Variants in TNKS observed in about 807,000 individuals in gnomAD.
The protein encoded by TNKS is poly [ADP-ribose] polymerase tankyrase-1.
In TNKS, 72 loss-of-function variants were observed where a neutral mutation model predicts 135.8. The ratio of observed to expected loss-of-function variants is 0.53; its 90% CI spans 0.44 to 0.64. The LOEUF (loss-of-function observed/expected upper bound fraction) is 0.64. Among genes scored for constraint, TNKS ranks in the 30% least tolerant of loss-of-function variants. The pLI, the probability that TNKS is intolerant of heterozygous loss-of-function variation, is 0.00. For synonymous variants in TNKS, 849 were observed against 649.3 expected (o/e 1.31, Z -4.68); for missense variants, 1,769 against 1,674.0 (o/e 1.06, Z -0.99).
intron 5 of TNKS, among the ~76,000 whole-genome samples, chr8:9,681,503 T>C (rs1049199111): frequency 6.6e-6 from 1 of 152,138 alleles, no homozygotes; most frequent in Non-Finnish European, 1.5e-5. Flanking sequence ...ATTTACGTAA[T>C]AGACATTGAA....
chr8:9,663,721 G>C (rs1801845553), intron 3 of TNKS, among the ~76,000 whole-genome samples: 1 of 152,138 alleles, frequency 6.6e-6, no homozygotes, highest in African/African-American at 2.4e-5. Flanking sequence ...ACAGAACTCA[G>C]GAAGATATGT....
At position 9,726,695 on chromosome 8, in the gene TNKS, A is replaced by G; in HGVS notation, c.1976A>G (p.Lys659Arg). 6.2e-7 allele frequency: 1 copy of G among 1,613,520 alleles called. No homozygotes were observed. Among genetic ancestry groups the G allele is most frequent in the Non-Finnish European group, 8.5e-7 (1 of 1,179,818 alleles). Residue 659 changes from lysine (K) to arginine (R), a missense_variant, in exon 13 of 27, where the codon AAA becomes AGA. By Grantham distance (26) the Lys-to-Arg change is conservative (BLOSUM62 2). Coordinates refer to ENST00000310430, the MANE Select transcript of TNKS (RefSeq NM_003747.3). The stretch of plus-strand genomic sequence containing the variant: ...GATTATCGACTCTTAGAGGCATCTA[A>G]AGCTGGAGACTTGGAAACTGTGAAG... ...DVDYRLLEASKAGDLETVKQL... is the reference protein window; with the variant it reads ...DVDYRLLEASRAGDLETVKQL...
intron 1 of TNKS, 131 bp downstream of exon 1, chr8:9,556,743 G>C (rs1815331528): frequency 2.9e-6 from 3 of 1,029,828 alleles, no homozygotes; most frequent in Non-Finnish European, 4.2e-6. Context: ...CTCACCAGAA[G>C]ACTGGAGGTT....
At chr8:9,698,160 A>G (rs1017675522) in intron 5 of TNKS, among the ~76,000 whole-genome samples, 6 of 152,190 alleles carry the variant, frequency 3.9e-5, no homozygotes, top group Admixed American at 2.0e-4. Flanking sequence ...ACAGAAAACT[A>G]CATATCACAT....
At chr8:9,607,800 C>G (rs1449907353) in intron 2 of TNKS, among the ~76,000 whole-genome samples, 1 of 152,046 alleles carries the variant, frequency 6.6e-6, no homozygotes, top group Non-Finnish European at 1.5e-5. Flanking sequence ...ATCTAATGGT[C>G]AATATTTAAT....
intron 11 of TNKS, among the ~76,000 whole-genome samples, chr8:9,720,159 G>T (rs1352230045): frequency 6.6e-6 from 1 of 152,052 alleles, no homozygotes; most frequent in African/African-American, 2.4e-5. Context: ...GGGAAGAAAG[G>T]GTATGTTGTA....
At chr8:9,671,881 A>G (rs1302782574) in intron 3 of TNKS, among the ~76,000 whole-genome samples, 1 of 152,250 alleles carries the variant, frequency 6.6e-6, no homozygotes, top group Non-Finnish European at 1.5e-5. Flanking sequence ...AATTCCTGAA[A>G]TAAACAATTT....
chr8:9,580,475 G>A, intron 2 of TNKS, 92 bp downstream of exon 2: 1 of 1,167,068 alleles, frequency 8.6e-7, no homozygotes, highest in Non-Finnish European at 1.2e-6. Flanking sequence ...AATAGGTAAG[G>A]AAGGGTTTAT....
intron 5 of TNKS, among the ~76,000 whole-genome samples, chr8:9,700,321 A>G (rs902542899): frequency 6.6e-6 from 1 of 152,174 alleles, no homozygotes; most frequent in Non-Finnish European, 1.5e-5. Flanking sequence ...GATTTTGAGA[A>G]AGAAGAAGAT....
intron 2 of TNKS, among the ~76,000 whole-genome samples, chr8:9,592,199 C>T (rs1174020834): frequency 6.6e-6 from 1 of 152,108 alleles, no homozygotes; most frequent in Non-Finnish European, 1.5e-5. Context: ...TAGCTTGTTG[C>T]CTGAAATCTT....
At chr8:9,640,114 G>C (rs1800669099) in intron 3 of TNKS, among the ~76,000 whole-genome samples, 1 of 152,112 alleles carries the variant, frequency 6.6e-6, no homozygotes, top group Non-Finnish European at 1.5e-5. Context: ...ACCAAAGTTA[G>C]GGTTTCCTTA....
intron 1 of TNKS, among the ~76,000 whole-genome samples, chr8:9,559,371 G>A (rs1416432994): frequency 1.3e-5 from 2 of 152,112 alleles, no homozygotes; most frequent in Non-Finnish European, 2.9e-5. Flanking sequence ...TGGAAGGGAC[G>A]ATGTTAACTA....
At chr8:9,735,975 C>T (rs1461922694) in intron 17 of TNKS, among the ~76,000 whole-genome samples, 1 of 151,610 alleles carries the variant, frequency 6.6e-6, no homozygotes, top group Non-Finnish European at 1.5e-5. Flanking sequence ...GCTTAACTAC[C>T]TTTTGGCCAA....
chr8:9,662,621 G>T (rs950051588), intron 3 of TNKS, among the ~76,000 whole-genome samples: 3 of 152,146 alleles, frequency 2.0e-5, no homozygotes, highest in African/African-American at 7.2e-5. Flanking sequence ...GGAAGGGATA[G>T]CATTAGGAGA....
chr8:9,762,166 G>A (rs1428608749), intron 21 of TNKS, among the ~76,000 whole-genome samples: 2 of 152,110 alleles, frequency 1.3e-5, no homozygotes, highest in Non-Finnish European at 2.9e-5. Flanking sequence ...ATGACTGTCA[G>A]CTTTGTCTTT....
At chr8:9,569,165 C>G (rs577575328) in intron 1 of TNKS, among the ~76,000 whole-genome samples, 1 of 152,288 alleles carries the variant, frequency 6.6e-6, no homozygotes, top group East Asian at 1.9e-4. Context: ...CAGATTTTAT[C>G]ATTGGGAACA....
At chr8:9,569,394 A>G (rs28532946) in intron 1 of TNKS, among the ~76,000 whole-genome samples, 5,548 of 152,230 alleles carry the variant, frequency 0.036, 287 homozygotes, top group African/African-American at 0.12. Context: ...CTCCTGTCCT[A>G]TGTCTTTTGA....
chr8:9,620,746 C>G (rs545197204), intron 3 of TNKS, among the ~76,000 whole-genome samples: 1 of 152,336 alleles, frequency 6.6e-6, no homozygotes, highest in South Asian at 2.1e-4. Flanking sequence ...AGTTAAATCT[C>G]TAGTTCAAAC....
At chr8:9,690,328 G>A (rs1480556536) in intron 5 of TNKS, among the ~76,000 whole-genome samples, 1 of 152,160 alleles carries the variant, frequency 6.6e-6, no homozygotes, top group African/African-American at 2.4e-5. Flanking sequence ...AATTAAGTTG[G>A]CATTCAGAGC....
Sources: gnomAD v4.1 joint callset for allele counts (sites outside exome capture counted in the v4.1 genomes callset) on GRCh38, gnomAD v4.1.1 for gene constraint, MANE v1.5 for transcripts, NCBI Gene and HGNC (gene_info 2026-07-23, HGNC 2026-07-21) for gene names.